The following SH3BGRL2 variants were observed in gnomAD, a reference collection of about 807,000 sequenced individuals.
SH3BGRL2 encodes SH3 domain binding glutamate rich protein like 2, also known as SH3 domain-binding glutamic acid-rich-like protein 2.
In SH3BGRL2, 21 loss-of-function variants were observed where a neutral mutation model predicts 14.8. The observed-to-expected ratio is 1.42, with a 90% CI of 1.01 to 2.05. The LOEUF (loss-of-function observed/expected upper bound fraction) is 2.05. SH3BGRL2 is among the 30% of genes most tolerant of loss of function. The pLI, the probability that SH3BGRL2 is intolerant of heterozygous loss-of-function variation, is 0.00. For missense variants in SH3BGRL2, 147 were observed against 130.8 expected (o/e 1.12, Z -0.61); for synonymous variants, 50 against 47.8 (o/e 1.05, Z -0.19).
At chr6:79,616,968 A>C in the SH3BGRL2 span, among the ~76,000 whole-genome samples, 8 of 152,176 alleles carry the variant, frequency 5.3e-5, no homozygotes, top group East Asian at 1.5e-3. Context: ...CGGGCAGATC[A>C]CCTGAGGTCG....
the SH3BGRL2 span, among the ~76,000 whole-genome samples, chr6:79,548,673 C>T: frequency 3.8e-4 from 58 of 152,106 alleles, 1 homozygote; most frequent in African/African-American, 9.7e-4. Flanking sequence ...CAGGGCCCAA[C>T]GCTGGATAGG....
chr6:79,542,200 T>C, the SH3BGRL2 span, among the ~76,000 whole-genome samples: 1 of 152,110 alleles, frequency 6.6e-6, no homozygotes, highest in Non-Finnish European at 1.5e-5. Context: ...AGTGCCAGAG[T>C]TGAACTGGAA....
At chr6:79,623,859 T>C in the SH3BGRL2 span, among the ~76,000 whole-genome samples, 3 of 152,340 alleles carry the variant, frequency 2.0e-5, no homozygotes, top group East Asian at 5.8e-4. Context: ...AATAACACTT[T>C]ATGTTTTGTT....
the SH3BGRL2 span, among the ~76,000 whole-genome samples, chr6:79,605,469 T>A: frequency 1.3e-5 from 2 of 152,262 alleles, no homozygotes; most frequent in East Asian, 3.8e-4. Context: ...CAGGAACTAT[T>A]TAGACAAAGA....
intron 1 of SH3BGRL2, among the ~76,000 whole-genome samples, chr6:79,672,098 A>G (rs1222471425): frequency 1.3e-5 from 2 of 152,072 alleles, no homozygotes; most frequent in African/African-American, 4.8e-5. Context: ...TTCATGTCAC[A>G]TTGGGAAAAC....
At chr6:79,585,044 C>CTT in the SH3BGRL2 span, among the ~76,000 whole-genome samples, 66 of 134,966 alleles carry the variant, frequency 4.9e-4, no homozygotes, top group Middle Eastern at 8.6e-3. Flanking sequence ...CAAAACCCAC[C>CTT]TTTTTTTTTT....
intron 2 of SH3BGRL2, among the ~76,000 whole-genome samples, chr6:79,691,571 G>T: frequency 7.0e-6 from 1 of 142,800 alleles, no homozygotes; most frequent in Non-Finnish European, 1.5e-5. Flanking sequence ...TGTTCTCATT[G>T]TTCAATTCCC....
chr6:79,655,613 A>G (rs182673899), intron 1 of SH3BGRL2, among the ~76,000 whole-genome samples: 2 of 152,162 alleles, frequency 1.3e-5, no homozygotes, highest in East Asian at 3.9e-4. Flanking sequence ...ACTCCAGCCC[A>G]AGGCTACTAC....
chr6:79,621,656 C>T, the SH3BGRL2 span, among the ~76,000 whole-genome samples: 1 of 152,318 alleles, frequency 6.6e-6, no homozygotes, highest in East Asian at 1.9e-4. Flanking sequence ...TGTTGCCACT[C>T]ATCCCCCTTT....
chr6:79,635,931 G>A (rs1032954365), intron 1 of SH3BGRL2, among the ~76,000 whole-genome samples: 1 of 152,110 alleles, frequency 6.6e-6, no homozygotes, highest in African/African-American at 2.4e-5. Context: ...ATTCAGTGAG[G>A]CTTCCCTGTG....
the SH3BGRL2 span, among the ~76,000 whole-genome samples, chr6:79,541,681 G>C: frequency 6.6e-6 from 1 of 152,070 alleles, no homozygotes; most frequent in Admixed American, 6.6e-5. Flanking sequence ...AGTTTGCTTC[G>C]GGAAAGAATA....
intron 2 of SH3BGRL2, among the ~76,000 whole-genome samples, chr6:79,678,978 C>T (rs1289431050): frequency 6.6e-6 from 1 of 152,156 alleles, no homozygotes; most frequent in East Asian, 1.9e-4. Flanking sequence ...GCATAGTATT[C>T]CATGGTGTAT....
rs377558807 is a variant in SH3BGRL2 at position 79,631,451 on chromosome 6, G to A, written c.-11G>A. ...GGGGGGCAAGGGGTCTGTCCCGGGC[G>A]CAGCGAGAGGATGGTCATCCGCGTG... On this transcript the variant is annotated 5_prime_UTR_variant, in exon 1 of 4. Coordinates refer to ENST00000369838, the MANE Select transcript of SH3BGRL2 (RefSeq NM_031469.4). The A allele has an allele frequency of 2.6e-6, 4 of 1,518,570 alleles. No individual in the cohort carries two copies. Among genetic ancestry groups the A allele is most frequent in the Non-Finnish European group, 2.6e-6 (3 of 1,132,822 alleles). 94.1% of individuals were successfully genotyped at this position (1,518,570 alleles called of 1,614,324 possible).
the SH3BGRL2 span, among the ~76,000 whole-genome samples, chr6:79,590,311 G>C: frequency 6.6e-6 from 1 of 150,908 alleles, no homozygotes; most frequent in Non-Finnish European, 1.5e-5. Context: ...AAAATAAATT[G>C]TTCTACCAAA....
At chr6:79,677,759 T>A (rs1769913535) in intron 2 of SH3BGRL2, among the ~76,000 whole-genome samples, 2 of 152,208 alleles carry the variant, frequency 1.3e-5, no homozygotes, top group Admixed American at 1.3e-4. Flanking sequence ...GTTATTTGCA[T>A]CAAGAACCCA....
chr6:79,580,902 A>G, the SH3BGRL2 span, among the ~76,000 whole-genome samples: 2 of 152,188 alleles, frequency 1.3e-5, no homozygotes, highest in Admixed American at 1.3e-4. Context: ...CAAGACTAAT[A>G]AACAAGAAAA....
chr6:79,542,648 G>A, the SH3BGRL2 span, among the ~76,000 whole-genome samples: 10 of 152,078 alleles, frequency 6.6e-5, no homozygotes, highest in Non-Finnish European at 1.5e-4. Context: ...TGGCTTATCG[G>A]TAGGTTCTGC....
chr6:79,651,726 A>G (rs1230883949), intron 1 of SH3BGRL2, among the ~76,000 whole-genome samples: 1 of 152,144 alleles, frequency 6.6e-6, no homozygotes, highest in Non-Finnish European at 1.5e-5. Context: ...TTGTCAGGGA[A>G]AGAGGCACAG....
chr6:79,538,015 C>T, the SH3BGRL2 span, among the ~76,000 whole-genome samples: 1 of 59,222 alleles, frequency 1.7e-5, no homozygotes, highest in Non-Finnish European at 3.2e-5. Context: ...TATTTGCACA[C>T]AAGTTTTTTT....
Sources: gnomAD v4.1 joint callset for allele counts (sites outside exome capture counted in the v4.1 genomes callset) on GRCh38, gnomAD v4.1.1 for gene constraint, MANE v1.5 for transcripts, NCBI Gene and HGNC (gene_info 2026-07-23, HGNC 2026-07-21) for gene names.